Variants in MYO6 observed in about 807,000 individuals in gnomAD.
The protein encoded by MYO6 is unconventional myosin-VI.
A neutral mutation model predicts 178.7 loss-of-function variants in MYO6; 74 were observed. The ratio of observed to expected loss-of-function variants is 0.41; its 90% confidence interval spans 0.34 to 0.50. MYO6 has a LOEUF of 0.50. MYO6 is among the 20% of genes least tolerant of loss of function. The probability of loss-of-function intolerance (pLI) is 0.09; values close to 1 mark genes in which losing one functional copy is unlikely to be tolerated. For missense variants in MYO6, 1,330 were observed against 1,547.4 expected, an observed-to-expected ratio of 0.86 and a Z score of 2.36; for synonymous variants, 477 against 504.6, an observed-to-expected ratio of 0.95 and a Z score of 0.73.
chr6:75,914,987 C>T lies in MYO6; in HGVS notation c.3833C>T (p.Ala1278Val), dbSNP rs397517052. 1 of 1,613,366 alleles carries T rather than the reference C, an allele frequency of 6.2e-7. No individual in the cohort carries two copies. Among genetic ancestry groups the T allele is most frequent in the Non-Finnish European group, 8.5e-7 (1 of 1,179,906 alleles). The change falls in exon 35 of 35, where the codon GCC becomes GTC. Residue 1278 changes from alanine (A) to valine (V), a missense_variant. By Grantham distance (64) the Ala-to-Val change is moderately conservative. Transcript: ENST00000369977. ...CAGGCTCGGCCCACCTATGCAACAG[C>T]CATGCTGCAGAGTCTGTTAAAGTAG... ...SRQARPTYAT[A>V]MLQSLLK
chr6:75,835,360 A>AT (rs1272206503), intron 6 of MYO6, among the ~76,000 whole-genome samples: 2 of 152,200 alleles, frequency 1.3e-5, no homozygotes, highest in African/African-American at 2.4e-5. Context: ...TGTTATGAGT[A>AT]TATTTTGTGA....
chr6:75,884,570 G>T (rs1778282469), intron 23 of MYO6, among the ~76,000 whole-genome samples: 1 of 152,192 alleles, frequency 6.6e-6, no homozygotes, highest in South Asian at 2.1e-4. Context: ...TAGAGAGACA[G>T]TAATTAATGT....
At chr6:75,908,105 T>C (rs1390194293) in intron 31 of MYO6, among the ~76,000 whole-genome samples, 1 of 152,178 alleles carries the variant, frequency 6.6e-6, no homozygotes, top group African/African-American at 2.4e-5. Flanking sequence ...CTCCATTGAG[T>C]ATATCTGCAT....
At chr6:75,857,033 C>T in intron 12 of MYO6, 64 bp from the exon 13 acceptor site, 1 of 1,511,444 alleles carries the variant, frequency 6.6e-7, no homozygotes, top group Non-Finnish European at 9.1e-7. Flanking sequence ...TTTAGGTGCA[C>T]TCTGTGGCAT....
chr6:75,906,708 G>A (rs952389489), intron 30 of MYO6, among the ~76,000 whole-genome samples: 2 of 151,896 alleles, frequency 1.3e-5, no homozygotes, highest in African/African-American at 4.8e-5. Context: ...CAAACAAAAC[G>A]CAAAACCAAA....
At chr6:75,902,097 C>G (rs1375057212) in intron 30 of MYO6, among the ~76,000 whole-genome samples, 2 of 152,128 alleles carry the variant, frequency 1.3e-5, no homozygotes, top group African/African-American at 2.4e-5. Flanking sequence ...GGTGGATAAG[C>G]TTTTTGATGT....
intron 22 of MYO6, among the ~76,000 whole-genome samples, chr6:75,880,660 CT>C (rs1266592367): frequency 2.6e-5 from 4 of 152,156 alleles, no homozygotes; most frequent in Non-Finnish European, 5.9e-5. Context: ...AGCACTTTTT[CT>C]TGTTTAAACT....
chr6:75,788,982 T>C (rs1767960361), intron 1 of MYO6, among the ~76,000 whole-genome samples: 1 of 152,216 alleles, frequency 6.6e-6, no homozygotes, highest in African/African-American at 2.4e-5. Flanking sequence ...TCATATGCAA[T>C]GTAACTTCTT....
At chr6:75,873,557 C>A (rs906261475) in intron 20 of MYO6, among the ~76,000 whole-genome samples, 13 of 152,058 alleles carry the variant, frequency 8.5e-5, no homozygotes, top group African/African-American at 2.7e-4. Flanking sequence ...GGCAACATAG[C>A]AAGATCTGTT....
chr6:75,807,326 T>C (rs1770203278), intron 1 of MYO6, among the ~76,000 whole-genome samples: 1 of 152,184 alleles, frequency 6.6e-6, no homozygotes. Flanking sequence ...GTGTCTGTTT[T>C]CTAGTACACT....
chr6:75,804,936 T>TACATATATACACATATGTAC (rs1319291851), intron 1 of MYO6, among the ~76,000 whole-genome samples: 32 of 145,868 alleles, frequency 2.2e-4, no homozygotes, highest in Non-Finnish European at 4.2e-4. Context: ...TACACATATA[T>TACATATATACACATATGTAC]ACATATATAC....
At chr6:75,879,032 G>A (rs957693339) in intron 20 of MYO6, among the ~76,000 whole-genome samples, 3 of 152,190 alleles carry the variant, frequency 2.0e-5, no homozygotes, top group African/African-American at 7.2e-5. Flanking sequence ...TAGTGAAACA[G>A]TGAGCTCTTC....
At position 75,813,578 on chromosome 6, in the gene MYO6, C is replaced by G. The variant is rs148091704; in HGVS notation, c.-47-3923C>G. On this transcript the variant is annotated intron_variant, in intron 1 of 34. Transcript: ENST00000369977. The stretch of plus-strand genomic sequence containing the variant: ...GCCAGACAAAGTCCCCCTTACTCTT[C>G]CCTTTCCTTTCCTTATTCAGAGGCA... Among the ~76,000 whole-genome samples the G allele has an allele frequency of 1.4e-3, 206 of 152,278 alleles. 1 individual carries two copies. Among genetic ancestry groups the G allele is most frequent in the African/African-American group, 4.6e-3 (193 of 41,562 alleles).
intron 1 of MYO6, among the ~76,000 whole-genome samples, chr6:75,809,408 G>A (rs549865413): frequency 1.3e-5 from 2 of 152,200 alleles, no homozygotes; most frequent in Admixed American, 1.3e-4. Context: ...AGGACTTAGA[G>A]TGTTAATGGA....
intron 1 of MYO6, among the ~76,000 whole-genome samples, chr6:75,764,342 ATTCTCCT>A (rs1278951032): frequency 1.3e-5 from 2 of 152,040 alleles, no homozygotes; most frequent in African/African-American, 4.8e-5. Flanking sequence ...ACGTGTCCCC[ATTCTCCT>A]TTCTCCTTAG....
At position 75,848,451 on chromosome 6, in the gene MYO6, A is replaced by C. The variant is rs1281288572; in HGVS notation, c.998A>C (p.Glu333Ala). The change falls in exon 11 of 35, where the codon GAA becomes GCA. Residue 333 changes from glutamate (E) to alanine (A), a missense_variant. Around this residue, in one of 3 missense-constraint regions of MYO6, gnomAD observed 613 missense variants for 816.8 expected, o/e 0.75. Coordinates refer to ENST00000369977, the MANE Select transcript of MYO6 (RefSeq NM_004999.4). ...AAAAAAATTGGTTTGGATGATGAAG[A>C]AAAGCTTGATCTCTTCCGGGTAGTA... ...AMKKIGLDDEEKLDLFRVVAG... is the reference protein window; with the variant it reads ...AMKKIGLDDEAKLDLFRVVAG... The C allele has an allele frequency of 1.9e-6, 3 of 1,613,956 alleles. No individual in the cohort carries two copies. The highest frequency in any genetic ancestry group is 4.5e-5 in the East Asian group (2 of 44,868).
At chr6:75,848,780 A>G (rs2150280612) in intron 11 of MYO6, among the ~76,000 whole-genome samples, 1 of 152,218 alleles carries the variant, frequency 6.6e-6, no homozygotes, top group Admixed American at 6.5e-5. Context: ...TAAATAACTG[A>G]CTATTTTATC....
chr6:75,757,059 TAC>T (rs1432331160), intron 1 of MYO6, among the ~76,000 whole-genome samples: 6 of 144,262 alleles, frequency 4.2e-5, no homozygotes, highest in African/African-American at 1.0e-4. Context: ...TATATATGTA[TAC>T]ACACATATAT....
intron 25 of MYO6, among the ~76,000 whole-genome samples, chr6:75,888,411 T>TA (rs1388033782): frequency 6.6e-6 from 1 of 152,092 alleles, no homozygotes; most frequent in Admixed American, 6.6e-5. Context: ...GCTCAGGAGT[T>TA]AGAGACCAAC....
Sources: allele counts gnomAD v4.1 joint callset (sites outside exome capture counted in the v4.1 genomes callset), GRCh38; gene constraint gnomAD v4.1.1; regional missense constraint gnomAD v4.1.1; transcripts MANE v1.5; gene names NCBI Gene and HGNC (gene_info 2026-07-23, HGNC 2026-07-21).